SALL1: variants seen among roughly 807,000 people sequenced by gnomAD.
The protein encoded by SALL1 is spalt like transcription factor 1, also known as sal-like protein 1.
SALL1 carries 10 observed loss-of-function variants against 73.1 expected under a neutral mutation model. That is an observed-to-expected ratio of 0.14 (90% CI 0.08 to 0.23). The LOEUF is 0.23. Among genes scored for constraint, SALL1 ranks in the 10% least tolerant of loss-of-function variants. The pLI is 1.00. For missense variants in SALL1, 1,520 were observed against 1,697.3 expected, an observed-to-expected ratio of 0.90 and a Z score of 1.84; for synonymous variants, 688 against 689.8, an observed-to-expected ratio of 1.00 and a Z score of 0.04.
intron 2 of SALL1, among the ~76,000 whole-genome samples, chr16:51,137,802 T>C (rs967016944): frequency 1.3e-5 from 2 of 152,220 alleles, no homozygotes; most frequent in African/African-American, 4.8e-5. Context: ...AAGGCAAGGA[T>C]GCCTTACTTA....
intron 1 of SALL1, among the ~76,000 whole-genome samples, chr16:51,147,440 C>G (rs1006625854): frequency 1.3e-5 from 2 of 152,096 alleles, no homozygotes; most frequent in African/African-American, 4.8e-5. Flanking sequence ...CCTTATCTTG[C>G]AGGTGTTGGT....
intron 1 of SALL1, 118 bp downstream of exon 1, chr16:51,151,048 C>G (rs1381870415): frequency 1.8e-6 from 1 of 560,134 alleles, no homozygotes; most frequent in Non-Finnish European, 2.9e-6. Context: ...AAGAAGCAAT[C>G]GGGGCCGCGG....
intron 1 of SALL1, among the ~76,000 whole-genome samples, chr16:51,147,609 A>G (rs1309216119): frequency 6.6e-6 from 1 of 152,214 alleles, no homozygotes; most frequent in Non-Finnish European, 1.5e-5. Context: ...GATACTTCAT[A>G]TGATTGTTAG....
upstream of SALL1, chr16:51,151,979 G>A (rs1056691845): frequency 1.3e-5 from 2 of 151,166 alleles, no homozygotes; most frequent in Non-Finnish European, 3.0e-5. Context: ...GTTTCTTTAA[G>A]AGCTACCAGA....
chr16:51,150,547 C>T (rs1313263789), intron 1 of SALL1: 11 of 985,956 alleles, frequency 1.1e-5, no homozygotes, highest in African/African-American at 3.5e-5. Flanking sequence ...GGGTCAGGCG[C>T]TGGCGCCCCG....
chr16:51,150,623 AG>A, intron 1 of SALL1: 1 of 976,522 alleles, frequency 1.0e-6, no homozygotes, highest in East Asian at 1.1e-4. Flanking sequence ...TCGCAGGCCG[AG>A]GGGGAGTGTG....
intron 1 of SALL1, chr16:51,150,260 T>C (rs1962577084): frequency 7.0e-6 from 2 of 286,540 alleles, no homozygotes; most frequent in Non-Finnish European, 1.0e-5. Context: ...CAAGTGCCCC[T>C]GTTTCAGGGG....
chr16:51,140,293 G>C lies in SALL1; in HGVS notation c.1929C>G (p.Ser643Arg), dbSNP rs762127901. Residue 643 changes from serine (S) to arginine (R), a missense_variant, in exon 2 of 3, where the codon AGC becomes AGG. Around this residue, in one of 7 missense-constraint regions of SALL1, gnomAD observed 276 missense variants for 259.1 expected, o/e 1.07. Coordinates refer to ENST00000251020, the MANE Select transcript of SALL1 (RefSeq NM_002968.3). This position sits in a 1 kb window ranked among gnomAD's most constrained non-coding sequence, Gnocchi z 5.7. ...CGGGGCCGCAGTCTGCCGCTGGGGA[G>C]CTCAGGACGCTACTGCTCGCCGTCG... ...SVPTASSSVL[S>R]SPAADCGPAG... is the part of the protein sequence containing the mutation. 6.2e-7 allele frequency: 1 copy of C among 1,614,118 alleles called. No individual in the cohort carries two copies. Among genetic ancestry groups the C allele is most frequent in the East Asian group, 2.2e-5 (1 of 44,874 alleles).
In SALL1 at chr16:51,139,998, C is replaced by A; in HGVS notation, c.2224G>T (p.Ala742Ser). 1.2e-6 allele frequency: 2 copies of A among 1,614,194 alleles called. No individual in the cohort carries two copies. Residue 742 changes from alanine (A) to serine (S), a missense_variant, in exon 2 of 3, where the codon GCT becomes TCT. Transcript: ENST00000251020. ...RPFKCKICGR[A>S]FTTKGNLKTH... ...TTAAGATTCCCTTTCGTGGTGAAAGCCCGGCCACAGATCTTACACTTAAAG... is the reference window on the plus strand; with the variant it reads ...TTAAGATTCCCTTTCGTGGTGAAAGACCGGCCACAGATCTTACACTTAAAG...
intron 1 of SALL1, chr16:51,149,608 G>A (rs1330019725): frequency 1.3e-5 from 2 of 152,326 alleles, no homozygotes; most frequent in African/African-American, 2.4e-5. Flanking sequence ...CAAGCTTGAG[G>A]AAACACTGGG....
At chr16:51,151,938 G>A (rs1395347644), upstream of SALL1, among the ~76,000 whole-genome samples, 1 of 151,668 alleles carries the variant, frequency 6.6e-6, no homozygotes, top group African/African-American at 2.4e-5. Flanking sequence ...GGATCAGGGG[G>A]GAGGGCGTCC....
At chr16:51,143,240 C>T in intron 1 of SALL1, 3 of 267,256 alleles carry the variant, frequency 1.1e-5, no homozygotes, top group South Asian at 3.1e-5. Flanking sequence ...TGTTTGTTTC[C>T]ATTGGTTGCT....
intron 1 of SALL1, 176 bp downstream of exon 1, chr16:51,150,990 C>T (rs1386970083): frequency 2.3e-6 from 1 of 435,694 alleles, no homozygotes; most frequent in Non-Finnish European, 4.0e-6. Context: ...GAAAGCCCAG[C>T]AAAGGCACAT....
At position 51,138,990 on chromosome 16, in the gene SALL1, C is replaced by T. The variant is rs369781491; in HGVS notation, c.3232G>A (p.Ala1078Thr). The T allele has an allele frequency of 1.9e-5, 31 of 1,614,078 alleles. No individual in the cohort carries two copies. Among genetic ancestry groups the T allele is most frequent in the Admixed American group, 1.3e-4 (8 of 60,018 alleles). ...TTGATGAGAGATGACAACGAGTTGG[C>T]GGGAATCACCGCTGAGTTCTGATTG... ...GPNQNSAVIP[A>T]NSLSSLIKTE... is the part of the protein sequence containing the mutation. Residue 1078 changes from alanine (A) to threonine (T), a missense_variant, in exon 2 of 3, where the codon GCC becomes ACC. Physicochemically the swap from Ala to Thr is moderately conservative, Grantham distance 58. Coordinates refer to ENST00000251020, the MANE Select transcript of SALL1 (RefSeq NM_002968.3).
chr16:51,149,069 GTTAC>G, intron 1 of SALL1, among the ~76,000 whole-genome samples: 2 of 152,080 alleles, frequency 1.3e-5, no homozygotes, highest in South Asian at 4.2e-4. Flanking sequence ...ACTTGATTGA[GTTAC>G]TTAACTTACC....
chr16:51,151,770 C>G (rs1962617117), upstream of SALL1, among the ~76,000 whole-genome samples: 1 of 151,252 alleles, frequency 6.6e-6, no homozygotes, highest in African/African-American at 2.4e-5. Context: ...CCGGGCTGGG[C>G]CGACCCAAAT....
Position 51,141,097 on chromosome 16 carries a change from T to G in SALL1, c.1125A>C (p.Ser375=). 6.2e-7 allele frequency: 1 copy of G among 1,614,202 alleles called. No individual in the cohort carries two copies. The highest frequency in any genetic ancestry group is 8.5e-7 in the Non-Finnish European group (1 of 1,180,036). The change falls in exon 2 of 3, where the codon TCA becomes TCC. Residue 375 remains serine (S), a synonymous_variant. Coordinates refer to ENST00000251020, the MANE Select transcript of SALL1 (RefSeq NM_002968.3). This position sits in a 1 kb window ranked among gnomAD's most constrained non-coding sequence, Gnocchi z 5.4. ...VSNPAVSSSS[S]PAFAISSLLS... ...ATAAACTGCTTATTGCAAAAGCTGG[T>G]GAGGACGATGATGAGACCGCTGGGT...
rs1402673936 is a variant in SALL1, at chr16:51,136,345, A to G, written c.*767T>C. On this transcript the variant is annotated 3_prime_UTR_variant, in exon 3 of 3. Coordinates refer to ENST00000251020, the MANE Select transcript of SALL1 (RefSeq NM_002968.3). ...TTCCAGCACACATTTTCTATCGTGA[A>G]TATACCTACAAGGCAAAATGTTACG... 1 of 152,706 alleles carries G rather than the reference A, an allele frequency of 6.5e-6. No individual in the cohort carries two copies. Among genetic ancestry groups the G allele is most frequent in the South Asian group, 2.1e-4 (1 of 4,838 alleles). The allele number at this position is 152,706 out of a possible 1,614,324, so 9.5% of individuals were successfully genotyped here. A position where few individuals can be genotyped will look rare whatever the true frequency, so the allele number is the denominator to read the frequency against.
At position 51,142,025 on chromosome 16, in the gene SALL1, G is replaced by C; in HGVS notation, c.197C>G (p.Thr66Ser). ...SDLLLHKKNC[T>S]KNQLVLIVNE... The stretch of plus-strand genomic sequence containing the variant: ...TACGATTAAAACTAATTGATTTTTA[G>C]TACAGTTCTTCTTGTGGAGCAGAAG... Residue 66 changes from threonine to serine, a missense_variant, in exon 2 of 3, where the codon ACT becomes AGT. This residue lies in a region of SALL1 where 540 missense variants were observed against 567.5 expected (regional missense o/e 0.95). Transcript: ENST00000251020. The C allele has an allele frequency of 6.2e-7, 1 of 1,614,022 alleles. No homozygotes were observed. Among genetic ancestry groups the C allele is most frequent in the Non-Finnish European group, 8.5e-7 (1 of 1,179,986 alleles).
Sources: allele counts gnomAD v4.1 joint callset (sites outside exome capture counted in the v4.1 genomes callset), GRCh38; gene constraint gnomAD v4.1.1; regional missense constraint gnomAD v4.1.1; non-coding constraint Gnocchi (gnomAD v3.1); transcripts MANE v1.5; gene names NCBI Gene and HGNC (gene_info 2026-07-23, HGNC 2026-07-21).